REEP3: variants seen among roughly 807,000 people sequenced by gnomAD.
The protein encoded by REEP3 is receptor accessory protein 3.
A neutral mutation model predicts 41.3 loss-of-function variants in REEP3; 20 were observed. The observed-to-expected ratio is 0.48, with a 90% CI of 0.34 to 0.70. REEP3 has a LOEUF of 0.70. Ranked by LOEUF, REEP3 falls within the 30% of genes least tolerant of loss-of-function variation. The pLI, the probability that REEP3 is intolerant of heterozygous loss-of-function variation, is 0.01. For missense variants in REEP3, 271 were observed against 308.8 expected (o/e 0.88, Z 0.92); for synonymous variants, 104 against 101.8 (o/e 1.02, Z -0.13).
At chr10:63,555,038 T>A (rs1002310165) in intron 1 of REEP3, among the ~76,000 whole-genome samples, 3 of 152,156 alleles carry the variant, frequency 2.0e-5, no homozygotes, top group African/African-American at 7.2e-5. Flanking sequence ...CCTTTCCTTT[T>A]AGAATAGAAA....
At chr10:63,550,382 G>T (rs181840948) in intron 1 of REEP3, among the ~76,000 whole-genome samples, 7 of 152,312 alleles carry the variant, frequency 4.6e-5, no homozygotes, top group African/African-American at 1.7e-4. Context: ...ACAATAATTA[G>T]CTTGAATATA....
Position 63,623,065 on chromosome 10 carries a change from T to C in REEP3, c.*2196T>C, listed in dbSNP as rs931925018. ...AAACCTATTCTTTAGTAAACTCATA[T>C]TACTGTTCTAAATTGAAGAAATTAT... is the stretch of plus-strand genomic sequence containing the variant. On this transcript the variant is annotated 3_prime_UTR_variant, in exon 8 of 8. Coordinates refer to ENST00000373758, the MANE Select transcript of REEP3 (RefSeq NM_001001330.3). The C allele has an allele frequency of 2.0e-5, 3 of 152,222 alleles. No homozygotes were observed. Among genetic ancestry groups the C allele is most frequent in the Non-Finnish European group, 4.4e-5 (3 of 68,032 alleles). The allele number at this position is 152,222 out of a possible 1,614,324, so 9.4% of individuals were successfully genotyped here.
intron 1 of REEP3, among the ~76,000 whole-genome samples, chr10:63,547,487 G>A (rs558556811): frequency 6.6e-6 from 1 of 152,242 alleles, no homozygotes; most frequent in Non-Finnish European, 1.5e-5. Context: ...CATGCAAGTA[G>A]CCAAGAAACA....
At chr10:63,566,454 A>G (rs1955800429) in intron 2 of REEP3, 44 bp downstream of exon 2, 1 of 1,082,496 alleles carries the variant, frequency 9.2e-7, no homozygotes, top group Non-Finnish European at 1.4e-6. Flanking sequence ...TTAATATTTT[A>G]ATGATACACA....
intron 3 of REEP3, 49 bp downstream of exon 3, chr10:63,594,903 T>A (rs988528702): frequency 1.7e-6 from 2 of 1,146,690 alleles, no homozygotes; most frequent in Non-Finnish European, 2.6e-6. Flanking sequence ...CATAATCAGG[T>A]GTCCTAAGTT....
chr10:63,575,791 T>C (rs977142964), intron 2 of REEP3, among the ~76,000 whole-genome samples: 2 of 152,210 alleles, frequency 1.3e-5, no homozygotes, highest in South Asian at 2.1e-4. Flanking sequence ...TGGAGTGCAG[T>C]GGTGCAATCT....
chr10:63,567,494 A>G (rs1009070598), intron 2 of REEP3, among the ~76,000 whole-genome samples: 5 of 152,286 alleles, frequency 3.3e-5, no homozygotes, highest in African/African-American at 1.2e-4. Context: ...TACGTATCTT[A>G]GTATGTATTT....
intron 1 of REEP3, chr10:63,562,904 T>C (rs1258956012): frequency 1.8e-5 from 8 of 456,374 alleles, no homozygotes; most frequent in Non-Finnish European, 3.5e-5. Context: ...CGCATCAGAA[T>C]GTGACTACGT....
At chr10:63,537,911 G>A (rs1327976974) in intron 1 of REEP3, among the ~76,000 whole-genome samples, 2 of 152,050 alleles carry the variant, frequency 1.3e-5, no homozygotes, top group Non-Finnish European at 2.9e-5. Context: ...GATTTTTGAG[G>A]TTCTGGAGGT....
At chr10:63,561,669 A>AAGCT (rs1215343906) in intron 1 of REEP3, among the ~76,000 whole-genome samples, 20 of 152,330 alleles carry the variant, frequency 1.3e-4, no homozygotes, top group African/African-American at 4.3e-4. Flanking sequence ...ATGTGTTGGG[A>AAGCT]AGCTATTCAG....
Position 63,598,019 on chromosome 10 carries a change from A to G in REEP3, c.183-5A>G, listed in dbSNP as rs1405930693. 14 of 1,588,370 alleles carry G rather than the reference A, an allele frequency of 8.8e-6. No homozygotes were observed. In the East Asian group the frequency reaches 2.7e-4, roughly 31 times the overall value. On this transcript the variant is annotated splice_polypyrimidine_tract_variant and splice_region_variant and intron_variant, in intron 3 of 7. Coordinates refer to ENST00000373758, the MANE Select transcript of REEP3 (RefSeq NM_001001330.3). The stretch of plus-strand genomic sequence containing the variant: ...CAGTTTATTTCCAAATGTTTTTCTT[A>G]TTAGGTTTCCCCTGTACTATGAGCT...
At chr10:63,602,442 A>G (rs944217325) in intron 5 of REEP3, among the ~76,000 whole-genome samples, 4 of 152,206 alleles carry the variant, frequency 2.6e-5, no homozygotes, top group African/African-American at 7.2e-5. Flanking sequence ...TTTACACCCA[A>G]TGAAGATGCT....
intron 1 of REEP3, among the ~76,000 whole-genome samples, chr10:63,544,329 T>C (rs72837086): frequency 5.9e-5 from 9 of 152,214 alleles, no homozygotes; most frequent in Non-Finnish European, 7.4e-5. Flanking sequence ...TAAGTGATGA[T>C]TGATATTAAC....
At chr10:63,562,345 C>T (rs2133372049) in intron 1 of REEP3, among the ~76,000 whole-genome samples, 1 of 152,048 alleles carries the variant, frequency 6.6e-6, no homozygotes, top group East Asian at 1.9e-4. Flanking sequence ...GCAGCCTCCA[C>T]CTCCCAGGTT....
chr10:63,606,201 C>A, intron 5 of REEP3: 1 of 469,470 alleles, frequency 2.1e-6, no homozygotes, highest in Non-Finnish European at 2.7e-6. Flanking sequence ...GGTAATCCCG[C>A]CTTTCCTCTT....
chr10:63,606,785 T>C (rs1173971731), intron 5 of REEP3, among the ~76,000 whole-genome samples: 1 of 152,206 alleles, frequency 6.6e-6, no homozygotes, highest in Non-Finnish European at 1.5e-5. Flanking sequence ...ATTCTTATAG[T>C]ATGCCACATA....
intron 2 of REEP3, among the ~76,000 whole-genome samples, chr10:63,581,588 G>C (rs564328012): frequency 1.3e-5 from 2 of 152,010 alleles, no homozygotes; most frequent in East Asian, 3.9e-4. Context: ...AGAAAATAAG[G>C]AAAAATTAGC....
At chr10:63,533,577 T>A (rs557204122) in intron 1 of REEP3, among the ~76,000 whole-genome samples, 5 of 152,274 alleles carry the variant, frequency 3.3e-5, no homozygotes, top group Middle Eastern at 3.4e-3. Flanking sequence ...TTTAACTTTG[T>A]ATACCTAAGT....
chr10:63,550,257 A>T (rs568505247), intron 1 of REEP3, among the ~76,000 whole-genome samples: 1 of 152,372 alleles, frequency 6.6e-6, no homozygotes, highest in African/African-American at 2.4e-5. Context: ...CCATCCAGTG[A>T]TAGAAGTGAA....
Sources: gnomAD v4.1 joint callset for allele counts (sites outside exome capture counted in the v4.1 genomes callset) on GRCh38, gnomAD v4.1.1 for gene constraint, MANE v1.5 for transcripts, NCBI Gene and HGNC (gene_info 2026-07-23, HGNC 2026-07-21) for gene names.